PCDHGA1: variants seen among roughly 807,000 people sequenced by gnomAD.
The protein encoded by PCDHGA1 is protocadherin gamma subfamily A, 1.
PCDHGA1 carries 32 observed loss-of-function variants against 58.0 expected under a neutral mutation model. The observed-to-expected ratio is 0.55, with a 90% CI of 0.42 to 0.74. PCDHGA1 has a LOEUF of 0.74. Ranked by LOEUF, PCDHGA1 falls within the 30% of genes least tolerant of loss-of-function variation. The pLI is 0.00. For synonymous variants in PCDHGA1, 498 were observed against 501.1 expected, an observed-to-expected ratio of 0.99 and a Z score of 0.08; for missense variants, 1,205 against 1,182.3, an observed-to-expected ratio of 1.02 and a Z score of -0.28.
At chr5:141,366,829 T>A in intron 1 of PCDHGA1, 1 of 1,527,578 alleles carries the variant, frequency 6.5e-7, no homozygotes, top group Non-Finnish European at 8.8e-7. Flanking sequence ...ATATTCAGAA[T>A]CAGCTAGTTA....
intron 1 of PCDHGA1, chr5:141,383,710 G>A (rs1388027066): frequency 1.4e-5 from 22 of 1,613,874 alleles, no homozygotes; most frequent in Non-Finnish European, 1.9e-5. Flanking sequence ...CGACCTGGAC[G>A]AGGGAGTCAA....
At position 141,331,278 on chromosome 5, in the gene PCDHGA1, T is replaced by G. The variant is rs545040959; in HGVS notation, c.594T>G (p.Ser198Arg). 5.0e-6 allele frequency: 8 copies of G among 1,613,558 alleles called. No individual in the cohort carries two copies. The highest frequency in any genetic ancestry group is 1.7e-4 in the Middle Eastern group (1 of 6,058). ...GPQHPEMVLQ[S>R]PLDREEEAVH... ...AACATCCAGAGATGGTGCTGCAGAGTCCCTTAGACAGAGAAGAAGAAGCTG... is the reference window on the plus strand; with the variant it reads ...AACATCCAGAGATGGTGCTGCAGAGGCCCTTAGACAGAGAAGAAGAAGCTG... The change falls in exon 1 of 4, where the codon AGT becomes AGG. Residue 198 changes from serine to arginine, a missense_variant. Transcript: ENST00000517417.
chr5:141,374,798 A>C (rs1471175480), intron 1 of PCDHGA1: 3 of 1,613,784 alleles, frequency 1.9e-6, no homozygotes, highest in Non-Finnish European at 2.5e-6. Context: ...GAATGACAAC[A>C]CTCCAATGTT....
chr5:141,457,417 CTTTT>C (rs894846890), intron 1 of PCDHGA1, among the ~76,000 whole-genome samples: 4 of 152,180 alleles, frequency 2.6e-5, no homozygotes, highest in Admixed American at 2.6e-4. Context: ...TTACCCATCC[CTTTT>C]TCCCCCCCAC....
intron 3 of PCDHGA1, chr5:141,506,988 A>G (rs1364718512): frequency 1.3e-5 from 2 of 152,192 alleles, no homozygotes; most frequent in Non-Finnish European, 2.9e-5. Context: ...CTGATTTCTC[A>G]CACTCGACAG....
intron 1 of PCDHGA1, chr5:141,418,919 G>C: frequency 6.2e-7 from 1 of 1,614,016 alleles, no homozygotes. Flanking sequence ...GTCACTCTCT[G>C]ATCAGATTAT....
chr5:141,355,157 C>T (rs1220655708), intron 1 of PCDHGA1: 1 of 1,555,036 alleles, frequency 6.4e-7, no homozygotes, highest in Non-Finnish European at 8.7e-7. Context: ...CAGGCCTCGA[C>T]AGAGGGAAAA....
intron 1 of PCDHGA1, among the ~76,000 whole-genome samples, chr5:141,457,187 G>A (rs1314148733): frequency 1.3e-5 from 2 of 152,210 alleles, no homozygotes; most frequent in Admixed American, 1.3e-4. Flanking sequence ...ATAGTAGAGT[G>A]AGGAAAGCAG....
Position 141,491,454 on chromosome 5 carries a change from C to T in PCDHGA1, c.2422-3353C>T. The T allele has an allele frequency of 1.9e-6, 3 of 1,614,120 alleles. No individual in the cohort carries two copies. The highest frequency in any genetic ancestry group is 2.5e-6 in the Non-Finnish European group (3 of 1,180,032). On this transcript the variant is annotated intron_variant, in intron 1 of 3. Coordinates refer to ENST00000517417, the MANE Select transcript of PCDHGA1 (RefSeq NM_018912.3). This position sits in a 1 kb window ranked among gnomAD's most constrained non-coding sequence, Gnocchi z 6.9. ...GCTGCAGGCGCCAGGACTCACCCTCCCCGGACTTCTATAAGCAGTCCAGCC... is the reference window on the plus strand; with the variant it reads ...GCTGCAGGCGCCAGGACTCACCCTCTCCGGACTTCTATAAGCAGTCCAGCC...
At chr5:141,393,527 T>A in intron 1 of PCDHGA1, 10 of 1,613,990 alleles carry the variant, frequency 6.2e-6, no homozygotes, top group Non-Finnish European at 6.8e-6. Context: ...CAAATGACAA[T>A]GCCCCGGTTT....
chr5:141,345,970 T>C, intron 1 of PCDHGA1: 2 of 1,613,310 alleles, frequency 1.2e-6, no homozygotes, highest in Non-Finnish European at 1.7e-6. Context: ...GTGGTGGCCG[T>C]CCAGGACCAC....
At chr5:141,368,499 G>C (rs1391228187) in intron 1 of PCDHGA1, among the ~76,000 whole-genome samples, 2 of 152,070 alleles carry the variant, frequency 1.3e-5, no homozygotes, top group African/African-American at 2.4e-5. Context: ...TATACAGTAG[G>C]TGTCGACATT....
intron 1 of PCDHGA1, among the ~76,000 whole-genome samples, chr5:141,488,497 C>CA (rs1415483796): frequency 4.6e-5 from 7 of 152,204 alleles, no homozygotes; most frequent in African/African-American, 1.7e-4. Flanking sequence ...CTGTAACACT[C>CA]ATTCCACATT....
chr5:141,355,331 T>A (rs1588509224), intron 1 of PCDHGA1: 2 of 1,613,978 alleles, frequency 1.2e-6, no homozygotes, highest in Non-Finnish European at 8.5e-7. Context: ...GAAGGCTCAG[T>A]GGTGGGCAAC....
At chr5:141,409,294 G>T (rs1438036410) in intron 1 of PCDHGA1, 11 of 1,613,826 alleles carry the variant, frequency 6.8e-6, no homozygotes, top group South Asian at 1.1e-5. Flanking sequence ...CTCCAGGAAT[G>T]GTTGTTGCCC....
At chr5:141,405,795 G>T (rs2094718009) in intron 1 of PCDHGA1, among the ~76,000 whole-genome samples, 1 of 149,108 alleles carries the variant, frequency 6.7e-6, no homozygotes, top group African/African-American at 2.4e-5. Context: ...TTCTATTATA[G>T]TTAGCTTTCT....
intron 1 of PCDHGA1, chr5:141,366,743 C>CGAGTT: frequency 6.2e-7 from 1 of 1,611,598 alleles, no homozygotes; most frequent in Non-Finnish European, 8.5e-7. Flanking sequence ...AGAAGAACGG[C>CGAGTT]GAGTTCAGGT....
At chr5:141,369,176 A>G (rs1766073414) in intron 1 of PCDHGA1, among the ~76,000 whole-genome samples, 1 of 152,212 alleles carries the variant, frequency 6.6e-6, no homozygotes, top group Non-Finnish European at 1.5e-5. Context: ...GTAAATAACA[A>G]AAAGTTAGGA....
intron 1 of PCDHGA1, chr5:141,400,754 C>G: frequency 1.7e-6 from 1 of 589,004 alleles, no homozygotes. Context: ...TTAGCTTCCT[C>G]TCTAGCAAAA....
Sources: allele counts gnomAD v4.1 joint callset (sites outside exome capture counted in the v4.1 genomes callset), GRCh38; gene constraint gnomAD v4.1.1; non-coding constraint Gnocchi (gnomAD v3.1); transcripts MANE v1.5; gene names NCBI Gene and HGNC (gene_info 2026-07-23, HGNC 2026-07-21).